Variants in UTP20 observed in about 807,000 individuals in gnomAD.
The protein encoded by UTP20 is UTP20 small subunit processome component, also known as small subunit processome component 20 homolog.
UTP20 carries 164 observed loss-of-function variants against 329.5 expected under a neutral mutation model. The ratio of observed to expected loss-of-function variants is 0.50; its 90% CI spans 0.44 to 0.57. The LOEUF is 0.57. UTP20 is among the 20% of genes least tolerant of loss of function. The probability of loss-of-function intolerance (pLI) is 0.00; values close to 1 mark genes in which losing one functional copy is unlikely to be tolerated. For synonymous variants in UTP20, 1,151 were observed against 1,159.3 expected (o/e 0.99, Z 0.14); for missense variants, 3,055 against 3,284.2 (o/e 0.93, Z 1.71).
chr12:101,280,362 C>T (rs1871754413), intron 1 of UTP20, 35 bp downstream of exon 1: 2 of 1,551,400 alleles, frequency 1.3e-6, no homozygotes, highest in African/African-American at 1.4e-5. Flanking sequence ...AGCCGCGGGT[C>T]TCCGCTGCCT....
intron 12 of UTP20, 82 bp downstream of exon 12, chr12:101,295,740 G>T: frequency 7.2e-7 from 1 of 1,381,750 alleles, no homozygotes; most frequent in South Asian, 1.5e-5. Context: ...GTAAAAAAAT[G>T]ATCTATATGT....
At chr12:101,343,487 G>A (rs996930571) in intron 35 of UTP20, among the ~76,000 whole-genome samples, 1 of 152,066 alleles carries the variant, frequency 6.6e-6, no homozygotes, top group Non-Finnish European at 1.5e-5. Context: ...ACACAACCTC[G>A]TGAATATACT....
Position 101,286,510 on chromosome 12 carries a change from G to A in UTP20, c.515+1G>A. 1 of 1,566,758 alleles carries A rather than the reference G, an allele frequency of 6.4e-7. No homozygotes were observed. Among genetic ancestry groups the A allele is most frequent in the Non-Finnish European group, 8.6e-7 (1 of 1,156,116 alleles). On this transcript the variant is annotated splice_donor_variant, in intron 5 of 61. Coordinates refer to ENST00000261637, the MANE Select transcript of UTP20 (RefSeq NM_014503.3). LOFTEE classifies it high-confidence loss of function. ...TGAAGGACATGTCCAGTATATACAG[G>A]TAACCCCTTTCTCTCTCTAGTATGT... is the stretch of plus-strand genomic sequence containing the variant.
chr12:101,309,335 A>G (rs182137535), intron 18 of UTP20, among the ~76,000 whole-genome samples: 38 of 152,298 alleles, frequency 2.5e-4, no homozygotes, highest in Admixed American at 1.6e-3. Context: ...TGACCGGGAA[A>G]CTTTAGACCC....
At chr12:101,329,875 C>T (rs1868701203) in intron 27 of UTP20, among the ~76,000 whole-genome samples, 1 of 151,602 alleles carries the variant, frequency 6.6e-6, no homozygotes. Flanking sequence ...TGCGGTAGTG[C>T]ACACCTGTAC....
At position 101,385,578 on chromosome 12, in the gene UTP20, AT is replaced by A; in HGVS notation, c.8057-3del. ...CTCTGATCATTACTCTTTGTGTGTG[AT>A]TAGATCCTTTGCTGAAGAATCTATC... On this transcript the variant is annotated splice_polypyrimidine_tract_variant and splice_region_variant and intron_variant, in intron 60 of 61. Coordinates refer to ENST00000261637, the MANE Select transcript of UTP20 (RefSeq NM_014503.3). 12 of 1,608,898 alleles carry A rather than the reference AT, an allele frequency of 7.5e-6. No individual in the cohort carries two copies. Among genetic ancestry groups the A allele is most frequent in the Non-Finnish European group, 7.6e-6 (9 of 1,179,024 alleles).
chr12:101,380,610 C>A (rs977164606), intron 57 of UTP20, among the ~76,000 whole-genome samples: 10 of 151,992 alleles, frequency 6.6e-5, no homozygotes, highest in African/African-American at 2.2e-4. Flanking sequence ...TGCCTGTAAT[C>A]CCAACACATT....
At chr12:101,377,672 G>A (rs186224681) in intron 56 of UTP20, among the ~76,000 whole-genome samples, 1 of 152,194 alleles carries the variant, frequency 6.6e-6, no homozygotes, top group Admixed American at 6.5e-5. Flanking sequence ...ACGGAGGGGA[G>A]ATACAGCAGG....
Position 101,307,172 on chromosome 12 carries a change from C to T in UTP20, c.1995+411C>T, listed in dbSNP as rs377492262. ...CAGCCTGGGCGACAGAGCGAGACTC[C>T]GTCTCAAAAAAAAAAAAAAAAATTG... is the stretch of plus-strand genomic sequence containing the variant. On this transcript the variant is annotated intron_variant, in intron 17 of 61. Coordinates refer to ENST00000261637, the MANE Select transcript of UTP20 (RefSeq NM_014503.3). 2.1e-3 allele frequency among the ~76,000 whole-genome samples: 299 copies of T among 145,536 alleles called. 1 individual carries two copies. The highest frequency in any genetic ancestry group is 6.7e-3 in the African/African-American group (265 of 39,516).
At chr12:101,293,114 A>T in intron 10 of UTP20, 54 bp from the exon 11 acceptor site, 2 of 1,546,776 alleles carry the variant, frequency 1.3e-6, no homozygotes, top group Admixed American at 1.7e-5. Flanking sequence ...TGCTGGGGGG[A>T]TGGGGAAAAT....
At chr12:101,335,005 G>C (rs1868888142) in intron 29 of UTP20, among the ~76,000 whole-genome samples, 1 of 151,800 alleles carries the variant, frequency 6.6e-6, no homozygotes, top group African/African-American at 2.4e-5. Context: ...TAAATTGCTA[G>C]ACAGTATATA....
chr12:101,382,967 C>T, intron 58 of UTP20, 74 bp from the exon 59 acceptor site: 2 of 1,507,370 alleles, frequency 1.3e-6, no homozygotes, highest in East Asian at 4.6e-5. Flanking sequence ...CCTATTTTAG[C>T]TTATGCTCTA....
In UTP20 at chr12:101,344,700, C is replaced by T. The variant is rs1869261352; in HGVS notation, c.4555C>T (p.His1519Tyr). 6.2e-7 allele frequency: 1 copy of T among 1,613,416 alleles called. No homozygotes were observed. The highest frequency in any genetic ancestry group is 8.5e-7 in the Non-Finnish European group (1 of 1,179,530). Residue 1519 changes from histidine (H) to tyrosine (Y), a missense_variant, in exon 36 of 62, where the codon CAC becomes TAC. By Grantham distance (83) the His-to-Tyr change is moderately conservative (BLOSUM62 2). Around this residue, in one of 3 missense-constraint regions of UTP20, gnomAD observed 2,445 missense variants for 2,575.5 expected, o/e 0.95. Coordinates refer to ENST00000261637, the MANE Select transcript of UTP20 (RefSeq NM_014503.3). ...AGAGAAAGACTATAGAGAAATCATC[C>T]ACCGTTCACTCCTGGAGAAATTGAG... ...VTEKDYREII[H>Y]RSLLEKLRKG...
At position 101,321,551 on chromosome 12, in the gene UTP20, T is replaced by G. The variant is rs1868374247; in HGVS notation, c.2963T>G (p.Ile988Arg). The change falls in exon 25 of 62, where the codon ATA (isoleucine) becomes AGA (arginine). Residue 988 changes from isoleucine (I) to arginine (R), a missense_variant. Ile to Arg is a moderately conservative substitution (Grantham distance 97). Transcript: ENST00000261637. The stretch of plus-strand genomic sequence containing the variant: ...GAAGACAGAAGCTTTAAGGAAGAGA[T>G]AGTGCATTTTAGCATTTCAGAAGAT... ...LLEDRSFKEE[I>R]VHFSISEDNA... 1.1e-5 allele frequency: 17 copies of G among 1,613,672 alleles called. No homozygotes were observed. In the East Asian group the frequency reaches 3.3e-4, roughly 32 times the overall value.
At chr12:101,283,773 C>T (rs1465493224) in intron 2 of UTP20, among the ~76,000 whole-genome samples, 1 of 152,192 alleles carries the variant, frequency 6.6e-6, no homozygotes, top group Non-Finnish European at 1.5e-5. Context: ...TAGTCTCAAA[C>T]TCCTGGGCTC....
intron 55 of UTP20, among the ~76,000 whole-genome samples, chr12:101,375,262 A>AG (rs1157722430): frequency 2.0e-5 from 3 of 151,040 alleles, no homozygotes; most frequent in African/African-American, 7.3e-5. Flanking sequence ...CCCTGACTCA[A>AG]AAAAAAAATG....
intron 59 of UTP20, 103 bp from the exon 60 acceptor site, chr12:101,383,440 C>T (rs1216597024): frequency 1.7e-5 from 26 of 1,506,058 alleles, no homozygotes; most frequent in East Asian, 4.6e-5. Context: ...CAATAACATC[C>T]GTCCCAAAAT....
chr12:101,326,926 C>T lies in UTP20; in HGVS notation c.3042-155C>T, dbSNP rs944200420. 8 of 787,810 alleles carry T rather than the reference C, an allele frequency of 1.0e-5. No homozygotes were observed. The African/African-American group carries it at 1.4e-4, about 14-fold the overall frequency. The allele number at this position is 787,810 out of a possible 1,614,324, so 48.8% of individuals were successfully genotyped here. ...TTTTGTTGTTGACTTTTTTCATTGTCTGTGTTAAATATCTAATTTCTATTT... is the reference window on the plus strand; with the variant it reads ...TTTTGTTGTTGACTTTTTTCATTGTTTGTGTTAAATATCTAATTTCTATTT... On this transcript the variant is annotated intron_variant, in intron 25 of 61. Coordinates refer to ENST00000261637, the MANE Select transcript of UTP20 (RefSeq NM_014503.3).
At chr12:101,345,508 A>T (rs1304251598) in intron 36 of UTP20, 46 bp from the exon 37 acceptor site, 2 of 1,258,864 alleles carry the variant, frequency 1.6e-6, no homozygotes, top group Non-Finnish European at 2.2e-6. Context: ...ATTAGAAACA[A>T]ATTCTTTTTA....
Sources: gnomAD v4.1 joint callset for allele counts (sites outside exome capture counted in the v4.1 genomes callset) on GRCh38, gnomAD v4.1.1 for gene constraint, gnomAD v4.1.1 regional missense constraint, MANE v1.5 for transcripts, NCBI Gene and HGNC (gene_info 2026-07-23, HGNC 2026-07-21) for gene names.